FSTL4: variants seen among roughly 807,000 people sequenced by gnomAD.
FSTL4 encodes follistatin like 4.
FSTL4 carries 28 observed loss-of-function variants against 78.2 expected under a neutral mutation model. The ratio of observed to expected loss-of-function variants is 0.36; its 90% CI spans 0.27 to 0.49. FSTL4 has a LOEUF of 0.49. FSTL4 is among the 20% of genes least tolerant of loss of function. The pLI is 0.98. For missense variants in FSTL4, 922 were observed against 1,084.9 expected (o/e 0.85, Z 2.11); for synonymous variants, 422 against 440.5 (o/e 0.96, Z 0.53).
chr5:133,375,677 C>G (rs1160469927), intron 4 of FSTL4, among the ~76,000 whole-genome samples: 2 of 152,096 alleles, frequency 1.3e-5, no homozygotes, highest in Non-Finnish European at 2.9e-5. Context: ...TACTCTCACT[C>G]CCGTTGGGTA....
chr5:133,778,182 C>A, the FSTL4 span, among the ~76,000 whole-genome samples: 1 of 152,196 alleles, frequency 6.6e-6, no homozygotes. Flanking sequence ...CCCTGTGGAT[C>A]AAACCACAGG....
At chr5:133,271,649 AGAGT>A (rs1459065523) in intron 6 of FSTL4, among the ~76,000 whole-genome samples, 2 of 152,218 alleles carry the variant, frequency 1.3e-5, no homozygotes, top group African/African-American at 2.4e-5. Flanking sequence ...TTTTTATTAG[AGAGT>A]GAGTGAGACA....
the FSTL4 span, among the ~76,000 whole-genome samples, chr5:133,640,243 AC>A: frequency 6.6e-6 from 1 of 152,258 alleles, no homozygotes; most frequent in Admixed American, 6.5e-5. Context: ...TCACAAATCC[AC>A]CCGGAGAGAT....
intron 2 of FSTL4, among the ~76,000 whole-genome samples, chr5:133,590,240 C>T (rs1184237627): frequency 6.6e-6 from 1 of 152,236 alleles, no homozygotes; most frequent in East Asian, 1.9e-4. Flanking sequence ...CAGCCCAGAG[C>T]TCCAGATGAC....
intron 4 of FSTL4, among the ~76,000 whole-genome samples, chr5:133,392,887 A>T (rs1220800187): frequency 6.6e-6 from 1 of 152,224 alleles, no homozygotes; most frequent in Non-Finnish European, 1.5e-5. Context: ...ACTTCTTAGC[A>T]ATTTTTAATT....
At chr5:133,513,821 AGAATGAT>A in intron 3 of FSTL4, among the ~76,000 whole-genome samples, 1 of 152,298 alleles carries the variant, frequency 6.6e-6, no homozygotes, top group African/African-American at 2.4e-5. Context: ...GTCCTCTCTG[AGAATGAT>A]CTACTTTAGA....
chr5:133,621,843 T>C, the FSTL4 span, among the ~76,000 whole-genome samples: 1 of 152,172 alleles, frequency 6.6e-6, no homozygotes. Context: ...TTGAAATAAT[T>C]CTAGATTCAC....
At chr5:133,331,276 C>T (rs1310996872) in intron 4 of FSTL4, among the ~76,000 whole-genome samples, 1 of 152,144 alleles carries the variant, frequency 6.6e-6, no homozygotes, top group Non-Finnish European at 1.5e-5. Context: ...TCTGAGCGGG[C>T]GTCTCACAGG....
At chr5:133,523,157 G>A (rs1759019849) in intron 3 of FSTL4, among the ~76,000 whole-genome samples, 1 of 152,230 alleles carries the variant, frequency 6.6e-6, no homozygotes, top group East Asian at 1.9e-4. Context: ...TCTCTCTCCC[G>A]GCATGCGTGC....
the FSTL4 span, among the ~76,000 whole-genome samples, chr5:133,753,637 G>T: frequency 6.6e-6 from 1 of 151,378 alleles, no homozygotes; most frequent in Non-Finnish European, 1.5e-5. Context: ...ACCCTGCCTG[G>T]ACTTATCCCT....
At chr5:133,795,622 C>T in the FSTL4 span, among the ~76,000 whole-genome samples, 7,445 of 152,114 alleles carry the variant, frequency 0.049, 218 homozygotes, top group East Asian at 0.072. Flanking sequence ...CAGAATGGGA[C>T]GTTTTCCAGG....
At chr5:133,783,938 T>A in the FSTL4 span, among the ~76,000 whole-genome samples, 1 of 150,292 alleles carries the variant, frequency 6.7e-6, no homozygotes, top group African/African-American at 2.5e-5. Context: ...GAGTTAGAAT[T>A]CCTACCACAT....
At chr5:133,390,710 C>T (rs73788070) in intron 4 of FSTL4, among the ~76,000 whole-genome samples, 8,353 of 152,296 alleles carry the variant, frequency 0.055, 703 homozygotes, top group African/African-American at 0.18. Context: ...CTCCTGAAGA[C>T]ACTCTCTGCT....
chr5:133,321,997 A>G lies in FSTL4; in HGVS notation c.410-5345T>C, dbSNP rs549699581. 2.9e-4 allele frequency among the ~76,000 whole-genome samples: 44 copies of G among 152,312 alleles called. No homozygotes were observed. The South Asian group carries it at 8.9e-3, about 31-fold the overall frequency. ...TCTTGCTGGTTTCCAGGTAAAGAGA[A>G]CTTTGTGTTGTTCTAAATAAGGGGA... is the stretch of plus-strand genomic sequence containing the variant. On this transcript the variant is annotated intron_variant, in intron 4 of 15. Coordinates refer to ENST00000265342, the MANE Select transcript of FSTL4 (RefSeq NM_015082.2).
intron 6 of FSTL4, among the ~76,000 whole-genome samples, chr5:133,298,602 C>G (rs1234204932): frequency 2.0e-5 from 3 of 152,254 alleles, no homozygotes; most frequent in East Asian, 3.8e-4. Context: ...CTCCTGCCTA[C>G]TCAGAGCTGA....
chr5:133,654,395 G>A, the FSTL4 span, among the ~76,000 whole-genome samples: 1 of 152,188 alleles, frequency 6.6e-6, no homozygotes, highest in Non-Finnish European at 1.5e-5. Flanking sequence ...ATGAAACAGG[G>A]ATTCTAAGCG....
the FSTL4 span, among the ~76,000 whole-genome samples, chr5:133,685,755 G>T: frequency 2.0e-5 from 3 of 152,222 alleles, no homozygotes; most frequent in African/African-American, 7.2e-5. Flanking sequence ...AGTGCTGGCA[G>T]GAGGCAGGCA....
At position 133,225,309 on chromosome 5, in the gene FSTL4, T is replaced by C. The variant is rs945917168; in HGVS notation, c.1178-25A>G. 12 of 1,613,890 alleles carry C rather than the reference T, an allele frequency of 7.4e-6. No individual in the cohort carries two copies. Among genetic ancestry groups the C allele is most frequent in the Non-Finnish European group, 1.0e-5 (12 of 1,179,958 alleles). On this transcript the variant is annotated intron_variant, in intron 9 of 15. Transcript: ENST00000265342. This position sits in a 1 kb window ranked among gnomAD's most constrained non-coding sequence, Gnocchi z 4.6. Reference sequence around the variant, plus strand: ...GCTGCAGACAGGACAGTGCTCAGGGTGGACTGCTCAGCTGGAGACCCACTC... The same window carrying C: ...GCTGCAGACAGGACAGTGCTCAGGGCGGACTGCTCAGCTGGAGACCCACTC...
At chr5:133,760,926 A>T in the FSTL4 span, among the ~76,000 whole-genome samples, 1 of 152,232 alleles carries the variant, frequency 6.6e-6, no homozygotes, top group Admixed American at 6.5e-5. Context: ...AATGGAGAAC[A>T]GCATGGCCAA....
Sources: allele counts gnomAD v4.1 joint callset (sites outside exome capture counted in the v4.1 genomes callset), GRCh38; gene constraint gnomAD v4.1.1; non-coding constraint Gnocchi (gnomAD v3.1); transcripts MANE v1.5; gene names NCBI Gene and HGNC (gene_info 2026-07-23, HGNC 2026-07-21).